The following GRM7 variants were observed in gnomAD, a reference collection of about 807,000 sequenced individuals.
GRM7 encodes the protein glutamate metabotropic receptor 7.
In GRM7, 35 loss-of-function variants were observed where a neutral mutation model predicts 84.5. The observed-to-expected ratio is 0.41, with a 90% CI of 0.32 to 0.55. The LOEUF (loss-of-function observed/expected upper bound fraction) is 0.55. Ranked by LOEUF, GRM7 falls within the 20% of genes least tolerant of loss-of-function variation. GRM7 has a pLI of 0.19. For missense variants in GRM7, 1,003 were observed against 1,194.6 expected, an observed-to-expected ratio of 0.84 and a Z score of 2.36; for synonymous variants, 487 against 455.1, an observed-to-expected ratio of 1.07 and a Z score of -0.89.
At chr3:7,197,660 T>C (rs1695921832) in intron 2 of GRM7, among the ~76,000 whole-genome samples, 1 of 151,926 alleles carries the variant, frequency 6.6e-6, no homozygotes, top group Non-Finnish European at 1.5e-5. Context: ...TTCTCCTAAG[T>C]GAGTTAACAT....
Position 7,740,460 on chromosome 3 carries a change from C to A in GRM7, c.*54C>A. ...AGGAAGACCCTCAGTTATTTTGTCACCCAACCTGGCATAGGACTCTTTGGT... is the reference window on the plus strand; with the variant it reads ...AGGAAGACCCTCAGTTATTTTGTCAACCAACCTGGCATAGGACTCTTTGGT... On this transcript the variant is annotated 3_prime_UTR_variant, in exon 10 of 10. Transcript: ENST00000357716. 4 of 1,045,568 alleles carry A rather than the reference C, an allele frequency of 3.8e-6. No individual in the cohort carries two copies. Among genetic ancestry groups the A allele is most frequent in the Non-Finnish European group, 4.3e-6 (3 of 702,774 alleles). 64.8% of individuals were successfully genotyped at this position (1,045,568 alleles called of 1,614,324 possible).
At chr3:7,065,488 T>A (rs113705793) in intron 1 of GRM7, among the ~76,000 whole-genome samples, 4 of 151,952 alleles carry the variant, frequency 2.6e-5, no homozygotes, top group Non-Finnish European at 4.4e-5. Context: ...TTGTCAAAGA[T>A]CAATTGGCTG....
At chr3:7,713,086 G>C (rs1176389169) in intron 9 of GRM7, among the ~76,000 whole-genome samples, 1 of 148,174 alleles carries the variant, frequency 6.7e-6, no homozygotes, top group East Asian at 2.0e-4. Context: ...TCTGAATAAG[G>C]TCATATTCAC....
chr3:7,660,316 T>C (rs1667968994), intron 8 of GRM7, among the ~76,000 whole-genome samples: 1 of 152,140 alleles, frequency 6.6e-6, no homozygotes, highest in Admixed American at 6.6e-5. Flanking sequence ...CCCATGAAGC[T>C]TTCTTGGCAA....
chr3:7,254,839 T>C lies in GRM7; in HGVS notation c.737-43845T>C, dbSNP rs1248280606. On this transcript the variant is annotated intron_variant, in intron 2 of 9. Transcript: ENST00000357716. ...TAATAGGGCAATGGTGATGATTAAA[T>C]GAGATAGTGCTTAAAAGACATCTAG... Among the ~76,000 whole-genome samples the C allele has an allele frequency of 2.6e-5, 4 of 152,216 alleles. No homozygotes were observed. The South Asian group carries it at 6.2e-4, about 24-fold the overall frequency.
At chr3:6,962,216 A>G (rs1372874476) in intron 1 of GRM7, among the ~76,000 whole-genome samples, 2 of 152,186 alleles carry the variant, frequency 1.3e-5, no homozygotes, top group African/African-American at 4.8e-5. Flanking sequence ...CGTGAAGACT[A>G]TCATTTTTGT....
At chr3:7,676,944 A>G (rs1700144222) in intron 8 of GRM7, among the ~76,000 whole-genome samples, 1 of 152,082 alleles carries the variant, frequency 6.6e-6, no homozygotes. Context: ...CATTTCTGTC[A>G]TTAAGTGATG....
chr3:7,530,022 A>G (rs1326297455), intron 7 of GRM7, among the ~76,000 whole-genome samples: 2 of 151,174 alleles, frequency 1.3e-5, no homozygotes, highest in African/African-American at 4.9e-5. Context: ...TACACGTGCC[A>G]TGGTGGTTTG....
At chr3:6,902,882 C>CACACACACACA (rs60680312) in intron 1 of GRM7, among the ~76,000 whole-genome samples, 8 of 150,280 alleles carry the variant, frequency 5.3e-5, no homozygotes, top group Non-Finnish European at 1.0e-4. Flanking sequence ...CACACACACA[C>CACACACACACA]CCCTACTCTA....
intron 7 of GRM7, among the ~76,000 whole-genome samples, chr3:7,545,767 G>C (rs568996876): frequency 6.6e-6 from 1 of 152,142 alleles, no homozygotes; most frequent in African/African-American, 2.4e-5. Context: ...TTCCTGATCT[G>C]TGTGCTGATT....
rs137946131 is a variant in GRM7 at position 6,876,363 on chromosome 3, A to T, written c.519+14456A>T. Among the ~76,000 whole-genome samples the T allele has an allele frequency of 7.8e-4, 119 of 152,082 alleles. 1 individual carries two copies. The highest frequency in any genetic ancestry group is 2.8e-3 in the African/African-American group (118 of 41,502). ...GTTTGTTTGCTTCTCCCCAGTTAAT[A>T]TTAGCTAATGCCTTGAGTGCTTGCT... On this transcript the variant is annotated intron_variant, in intron 1 of 9. Coordinates refer to ENST00000357716, the MANE Select transcript of GRM7 (RefSeq NM_000844.4).
At chr3:7,039,701 G>T (rs1696519081) in intron 1 of GRM7, among the ~76,000 whole-genome samples, 1 of 134,412 alleles carries the variant, frequency 7.4e-6, no homozygotes, top group African/African-American at 2.9e-5. Flanking sequence ...TAATATTCTG[G>T]CAGAGTAACT....
intron 4 of GRM7, among the ~76,000 whole-genome samples, chr3:7,405,954 G>C (rs879776197): frequency 1.3e-5 from 2 of 151,542 alleles, no homozygotes; most frequent in East Asian, 1.9e-4. Context: ...AGATAATGTA[G>C]TGAATATTAT....
intron 7 of GRM7, among the ~76,000 whole-genome samples, chr3:7,493,731 T>C (rs1029442009): frequency 5.3e-5 from 8 of 152,064 alleles, no homozygotes; most frequent in African/African-American, 1.7e-4. Context: ...TTTATAGTTT[T>C]CTCTGGTACT....
At chr3:7,452,039 C>A (rs1267051894) in intron 5 of GRM7, among the ~76,000 whole-genome samples, 1 of 152,104 alleles carries the variant, frequency 6.6e-6, no homozygotes, top group Non-Finnish European at 1.5e-5. Flanking sequence ...TGACACTGTT[C>A]AGTACTTCAC....
intron 6 of GRM7, among the ~76,000 whole-genome samples, chr3:7,456,553 A>T (rs1217912034): frequency 7.1e-6 from 1 of 140,464 alleles, no homozygotes; most frequent in Non-Finnish European, 1.6e-5. Context: ...CTTGAGACAC[A>T]GGACAACTAA....
intron 5 of GRM7, among the ~76,000 whole-genome samples, chr3:7,439,334 T>C (rs1385370287): frequency 6.6e-6 from 1 of 152,220 alleles, no homozygotes; most frequent in Non-Finnish European, 1.5e-5. Flanking sequence ...CCAGGCTTTC[T>C]AAGGTCGGAG....
chr3:7,373,197 A>T (rs1268670970), intron 4 of GRM7, among the ~76,000 whole-genome samples: 3 of 152,146 alleles, frequency 2.0e-5, no homozygotes, highest in Non-Finnish European at 4.4e-5. Context: ...TACCACTGAT[A>T]TACACTGCTC....
At chr3:7,102,698 T>C (rs915174268) in intron 1 of GRM7, among the ~76,000 whole-genome samples, 2 of 151,806 alleles carry the variant, frequency 1.3e-5, no homozygotes, top group Non-Finnish European at 2.9e-5. Flanking sequence ...TCGACTGTTT[T>C]AGATTGTCCC....
Sources: gnomAD v4.1 joint callset for allele counts (sites outside exome capture counted in the v4.1 genomes callset) on GRCh38, gnomAD v4.1.1 for gene constraint, MANE v1.5 for transcripts, NCBI Gene and HGNC (gene_info 2026-07-23, HGNC 2026-07-21) for gene names.